DIP2B: variants seen among roughly 807,000 people sequenced by gnomAD.
The protein encoded by DIP2B is disco-interacting protein 2 homolog B.
A neutral mutation model predicts 198.0 loss-of-function variants in DIP2B; 76 were observed. The ratio of observed to expected loss-of-function variants is 0.38; its 90% CI spans 0.32 to 0.46. DIP2B has a LOEUF of 0.46. Ranked by LOEUF, DIP2B falls within the 20% of genes least tolerant of loss-of-function variation. DIP2B has a pLI of 0.99. For missense variants in DIP2B, 1,559 were observed against 1,978.4 expected (o/e 0.79, Z 4.02); for synonymous variants, 701 against 739.1 (o/e 0.95, Z 0.84).
intron 30 of DIP2B, among the ~76,000 whole-genome samples, 160 bp from the exon 31 acceptor site, chr12:50,731,209 C>T (rs1940035918): frequency 1.3e-5 from 2 of 152,068 alleles, no homozygotes; most frequent in South Asian, 2.1e-4. Flanking sequence ...GCTCCTTTTG[C>T]GAGTTGCATA....
At chr12:50,641,415 C>G (rs540256651) in intron 3 of DIP2B, among the ~76,000 whole-genome samples, 1 of 152,038 alleles carries the variant, frequency 6.6e-6, no homozygotes, top group Non-Finnish European at 1.5e-5. Context: ...GAGAACCAGA[C>G]AAGCATACAA....
chr12:50,597,207 C>T (rs986635488), intron 1 of DIP2B, among the ~76,000 whole-genome samples: 1 of 152,156 alleles, frequency 6.6e-6, no homozygotes, highest in Non-Finnish European at 1.5e-5. Context: ...TGTAGATTTA[C>T]TTCATTCTTT....
intron 3 of DIP2B, among the ~76,000 whole-genome samples, chr12:50,655,943 C>A (rs1162622122): frequency 6.6e-6 from 1 of 152,048 alleles, no homozygotes; most frequent in Non-Finnish European, 1.5e-5. Context: ...CCACTGCACT[C>A]CAGCCTGGGT....
intron 1 of DIP2B, among the ~76,000 whole-genome samples, chr12:50,583,132 A>G (rs891020332): frequency 6.6e-6 from 1 of 152,232 alleles, no homozygotes; most frequent in Admixed American, 6.5e-5. Context: ...TGGAAGCCCT[A>G]CTGGTAAATT....
chr12:50,727,457 C>T (rs1939957108), intron 28 of DIP2B, among the ~76,000 whole-genome samples: 1 of 152,108 alleles, frequency 6.6e-6, no homozygotes, highest in African/African-American at 2.4e-5. Flanking sequence ...GTTCTGTTTC[C>T]CCTTACTAAG....
intron 4 of DIP2B, among the ~76,000 whole-genome samples, chr12:50,668,815 T>C (rs1294583631): frequency 6.6e-6 from 1 of 152,184 alleles, no homozygotes; most frequent in Non-Finnish European, 1.5e-5. Flanking sequence ...TTTTAACATG[T>C]TTGCTAAGAC....
At chr12:50,653,724 T>TCA (rs1433417943) in intron 3 of DIP2B, among the ~76,000 whole-genome samples, 3 of 152,180 alleles carry the variant, frequency 2.0e-5, no homozygotes, top group Non-Finnish European at 4.4e-5. Flanking sequence ...GTTATTTGAA[T>TCA]CTTCTTTTTT....
chr12:50,728,346 TA>T (rs888341228), intron 29 of DIP2B, among the ~76,000 whole-genome samples: 401 of 143,182 alleles, frequency 2.8e-3, no homozygotes, highest in Middle Eastern at 3.7e-3. Context: ...AAACTCCATC[TA>T]AAAAAAAAAA....
At chr12:50,509,151 C>T (rs536175914) in intron 1 of DIP2B, among the ~76,000 whole-genome samples, 3 of 152,108 alleles carry the variant, frequency 2.0e-5, no homozygotes, top group African/African-American at 7.2e-5. Flanking sequence ...TCTGAGTCTG[C>T]CAGGGAAATC....
Position 50,714,543 on chromosome 12 carries a change from T to C in DIP2B, c.2798T>C (p.Met933Thr), listed in dbSNP as rs1939678558. Residue 933 changes from methionine to threonine, a missense_variant, in exon 23 of 38, where the codon ATG becomes ACG. Transcript: ENST00000301180. ...TCACTGCATCCTTGCAACATCCTCA[T>C]GTGCCCCCATACATGTGTGACAAAC... Reference protein sequence around the residue: ...EGSLHPCNILMCPHTCVTNLP... With the variant: ...EGSLHPCNILTCPHTCVTNLP... The C allele has an allele frequency of 6.2e-7, 1 of 1,614,072 alleles. No homozygotes were observed. The highest frequency in any genetic ancestry group is 1.3e-5 in the African/African-American group (1 of 74,940).
At chr12:50,518,179 T>C (rs1958082789) in intron 1 of DIP2B, among the ~76,000 whole-genome samples, 1 of 151,910 alleles carries the variant, frequency 6.6e-6, no homozygotes, top group African/African-American at 2.4e-5. Context: ...GAGCACTGAA[T>C]TTAGGAGTCA....
chr12:50,711,589 T>C (rs1939617044), intron 22 of DIP2B, among the ~76,000 whole-genome samples: 1 of 152,132 alleles, frequency 6.6e-6, no homozygotes, highest in African/African-American at 2.4e-5. Flanking sequence ...GAGATAGAGT[T>C]TCACTCTTGT....
chr12:50,512,354 G>T (rs1255646754), intron 1 of DIP2B, among the ~76,000 whole-genome samples: 2 of 151,666 alleles, frequency 1.3e-5, no homozygotes, highest in Non-Finnish European at 1.5e-5. Flanking sequence ...TGATCTGCCC[G>T]CATCGGCCTC....
intron 1 of DIP2B, among the ~76,000 whole-genome samples, chr12:50,574,085 TA>T: frequency 6.6e-6 from 1 of 152,336 alleles, no homozygotes; most frequent in East Asian, 1.9e-4. Flanking sequence ...TGTTTCATTT[TA>T]CAAACAAATG....
chr12:50,620,764 C>A (rs1008053377), intron 1 of DIP2B, among the ~76,000 whole-genome samples: 1 of 152,138 alleles, frequency 6.6e-6, no homozygotes, highest in African/African-American at 2.4e-5. Context: ...GTAAGAAAGC[C>A]TGTGGTGTGA....
chr12:50,648,397 T>C (rs1367984687), intron 3 of DIP2B, among the ~76,000 whole-genome samples: 1 of 152,194 alleles, frequency 6.6e-6, no homozygotes. Context: ...GGAGTCTCGC[T>C]CTGTTGCCCA....
chr12:50,703,661 G>A (rs1159895131), intron 19 of DIP2B, among the ~76,000 whole-genome samples: 1 of 152,202 alleles, frequency 6.6e-6, no homozygotes, highest in South Asian at 2.1e-4. Context: ...TCCATTAAGT[G>A]GCTGCAAAAC....
intron 3 of DIP2B, among the ~76,000 whole-genome samples, chr12:50,651,583 T>C (rs1938453789): frequency 6.6e-6 from 1 of 152,208 alleles, no homozygotes; most frequent in African/African-American, 2.4e-5. Context: ...TTGAAGAAAC[T>C]ATCCTTTCCT....
chr12:50,706,757 T>C, intron 21 of DIP2B, 92 bp downstream of exon 21: 2 of 1,453,168 alleles, frequency 1.4e-6, no homozygotes, highest in South Asian at 1.3e-5. Context: ...GTAGGTTCTC[T>C]TTCCAAGTGA....
Sources: allele counts gnomAD v4.1 joint callset (sites outside exome capture counted in the v4.1 genomes callset), GRCh38; gene constraint gnomAD v4.1.1; transcripts MANE v1.5; gene names NCBI Gene and HGNC (gene_info 2026-07-23, HGNC 2026-07-21).